Variants in TBC1D5 observed in about 807,000 individuals in gnomAD.
TBC1D5 encodes the protein TBC1 domain family member 5.
TBC1D5 carries 75 observed loss-of-function variants against 100.3 expected under a neutral mutation model. The observed-to-expected ratio is 0.75, with a 90% confidence interval of 0.62 to 0.91. The LOEUF (loss-of-function observed/expected upper bound fraction) is 0.91, where lower values mean the gene tolerates loss of function less well. Ranked by LOEUF, TBC1D5 falls within the 40% of genes least tolerant of loss-of-function variation. TBC1D5 has a pLI of 0.00. For synonymous variants in TBC1D5, 323 were observed against 325.6 expected, an observed-to-expected ratio of 0.99 and a Z score of 0.09; for missense variants, 910 against 942.4, an observed-to-expected ratio of 0.97 and a Z score of 0.45.
At chr3:17,626,346 T>C (rs1329135117) in intron 1 of TBC1D5, among the ~76,000 whole-genome samples, 1 of 152,188 alleles carries the variant, frequency 6.6e-6, no homozygotes, top group Admixed American at 6.5e-5. Flanking sequence ...TTGTTTAACT[T>C]TTTAATCAAT....
intron 2 of TBC1D5, among the ~76,000 whole-genome samples, chr3:17,528,916 T>C (rs979016130): frequency 3.3e-5 from 5 of 152,238 alleles, no homozygotes; most frequent in Non-Finnish European, 7.3e-5. Flanking sequence ...TCTCGAACTC[T>C]AAGACTTACT....
chr3:17,299,380 T>C (rs1235716408), intron 14 of TBC1D5, among the ~76,000 whole-genome samples: 1 of 152,190 alleles, frequency 6.6e-6, no homozygotes, highest in Non-Finnish European at 1.5e-5. Flanking sequence ...TCTTGGTTGG[T>C]ATCAGATAAC....
chr3:17,426,829 C>T (rs2094346808), intron 4 of TBC1D5, among the ~76,000 whole-genome samples: 1 of 151,900 alleles, frequency 6.6e-6, no homozygotes, highest in Non-Finnish European at 1.5e-5. Flanking sequence ...TTGTAAAATA[C>T]AATTCACCAA....
At chr3:17,283,406 C>T (rs1016612443) in intron 15 of TBC1D5, among the ~76,000 whole-genome samples, 1 of 151,942 alleles carries the variant, frequency 6.6e-6, no homozygotes, top group African/African-American at 2.4e-5. Flanking sequence ...GGTCTGGTTC[C>T]CTTGGGTTCA....
At chr3:17,592,092 C>T (rs2060266961) in intron 2 of TBC1D5, among the ~76,000 whole-genome samples, 1 of 152,212 alleles carries the variant, frequency 6.6e-6, no homozygotes, top group South Asian at 2.1e-4. Flanking sequence ...CTGGCAAATG[C>T]CTTTTTCTCC....
intron 3 of TBC1D5, among the ~76,000 whole-genome samples, chr3:17,472,051 C>A (rs1158649356): frequency 6.6e-6 from 1 of 151,398 alleles, no homozygotes; most frequent in African/African-American, 2.4e-5. Flanking sequence ...ATGTTCATCT[C>A]ATTGTTAAGT....
intron 3 of TBC1D5, among the ~76,000 whole-genome samples, chr3:17,481,205 T>A (rs2095497541): frequency 6.6e-6 from 1 of 152,236 alleles, no homozygotes; most frequent in Non-Finnish European, 1.5e-5. Flanking sequence ...AGCCAGCATC[T>A]GTACCGGCAC....
chr3:17,175,244 T>C (rs1232025256), intron 19 of TBC1D5, among the ~76,000 whole-genome samples: 1 of 152,210 alleles, frequency 6.6e-6, no homozygotes, highest in Non-Finnish European at 1.5e-5. Flanking sequence ...GGAACATTAC[T>C]TAGGAAAATC....
intron 3 of TBC1D5, among the ~76,000 whole-genome samples, chr3:17,505,906 A>G (rs2095840002): frequency 6.6e-6 from 1 of 152,198 alleles, no homozygotes; most frequent in Non-Finnish European, 1.5e-5. Flanking sequence ...AAAAACAATT[A>G]AAGCAGTTAA....
chr3:17,593,892 G>A (rs532077249), intron 2 of TBC1D5, among the ~76,000 whole-genome samples: 17 of 152,262 alleles, frequency 1.1e-4, no homozygotes, highest in Non-Finnish European at 1.5e-4. Context: ...CTGAATCGGC[G>A]TCTAATATAT....
chr3:17,576,574 C>T (rs548975133), intron 2 of TBC1D5: 18 of 152,016 alleles, frequency 1.2e-4, no homozygotes, highest in Non-Finnish European at 2.7e-4. Context: ...ATAAATATGG[C>T]CATTTATTTA....
chr3:17,233,615 G>T, intron 17 of TBC1D5, 70 bp downstream of exon 18: 1 of 909,160 alleles, frequency 1.1e-6, no homozygotes, highest in Non-Finnish European at 1.7e-6. Flanking sequence ...GAAAAATGGA[G>T]TTTTGGAGTA....
intron 2 of TBC1D5, chr3:17,576,641 A>G (rs1206369070): frequency 6.6e-6 from 1 of 152,062 alleles, no homozygotes; most frequent in Non-Finnish European, 1.5e-5. Context: ...ATTATCTATA[A>G]GGTATACAAG....
chr3:17,162,045 A>T (rs1255420341), intron 21 of TBC1D5, among the ~76,000 whole-genome samples: 1 of 152,266 alleles, frequency 6.6e-6, no homozygotes, highest in East Asian at 1.9e-4. Flanking sequence ...TAAAGTTAAC[A>T]TTCACGAACA....
At chr3:17,435,740 C>T (rs762855976) in intron 3 of TBC1D5, among the ~76,000 whole-genome samples, 3 of 152,196 alleles carry the variant, frequency 2.0e-5, no homozygotes, top group Admixed American at 1.3e-4. Flanking sequence ...ATAAGATAGA[C>T]CACCTAAGGC....
chr3:17,531,476 A>G (rs915139851), intron 2 of TBC1D5, among the ~76,000 whole-genome samples: 1 of 152,252 alleles, frequency 6.6e-6, no homozygotes, highest in Non-Finnish European at 1.5e-5. Flanking sequence ...CAGAATTGGA[A>G]AAAACTACTT....
At chr3:17,247,478 G>A (rs1489440393) in intron 16 of TBC1D5, among the ~76,000 whole-genome samples, 1 of 152,192 alleles carries the variant, frequency 6.6e-6, no homozygotes, top group African/African-American at 2.4e-5. Flanking sequence ...AGATGCTAAT[G>A]ATCATCTGAG....
intron 7 of TBC1D5, 30 bp downstream of exon 7, chr3:17,404,664 G>A (rs1322640882): frequency 6.4e-7 from 1 of 1,563,004 alleles, no homozygotes; most frequent in Admixed American, 2.0e-5. Flanking sequence ...CAGCAAAAGA[G>A]GTTAAGACAT....
chr3:17,233,604 A>G (rs2075611938), intron 17 of TBC1D5, 81 bp downstream of exon 18: 5 of 814,674 alleles, frequency 6.1e-6, no homozygotes, highest in Non-Finnish European at 9.6e-6. Context: ...GTGGGCAAAA[A>G]GAAAAATGGA....
Sources: allele counts gnomAD v4.1 joint callset (sites outside exome capture counted in the v4.1 genomes callset), GRCh38; gene constraint gnomAD v4.1.1; transcripts MANE v1.5; gene names NCBI Gene and HGNC (gene_info 2026-07-23, HGNC 2026-07-21).